Variants in APBB2 observed in about 807,000 individuals in gnomAD.
APBB2 encodes the protein Fe65-like 1.
Under a neutral mutation model 82.5 loss-of-function variants are expected in APBB2, and 38 were observed. That is an observed-to-expected ratio of 0.46 (90% CI 0.36 to 0.60). The LOEUF (loss-of-function observed/expected upper bound fraction) is 0.60, where lower values mean the gene tolerates loss of function less well. APBB2 is among the 20% of genes least tolerant of loss of function. The pLI is 0.00. For missense variants in APBB2, 772 were observed against 972.3 expected (o/e 0.79, Z 2.74); for synonymous variants, 341 against 368.2 (o/e 0.93, Z 0.85).
chr4:40,827,379 T>TTA (rs747872798), intron 13 of APBB2, among the ~76,000 whole-genome samples, 160 bp from the exon 14 acceptor site: 3 of 152,176 alleles, frequency 2.0e-5, no homozygotes. Context: ...CTACATATTT[T>TTA]GTTGAGGAAT....
At chr4:40,823,580 A>G in intron 16 of APBB2, 64 bp downstream of exon 16, 1 of 1,186,300 alleles carries the variant, frequency 8.4e-7, no homozygotes, top group South Asian at 1.2e-5. Context: ...AGTTCCACAG[A>G]AAACCACTGT....
chr4:40,863,351 C>G (rs1763241061), intron 12 of APBB2, among the ~76,000 whole-genome samples: 1 of 152,180 alleles, frequency 6.6e-6, no homozygotes, highest in South Asian at 2.1e-4. Context: ...TAAGGTAGAT[C>G]AATGCCTTTC....
chr4:41,188,699 G>A (rs552729395), intron 1 of APBB2, among the ~76,000 whole-genome samples: 40 of 152,306 alleles, frequency 2.6e-4, no homozygotes, highest in African/African-American at 7.7e-4. Flanking sequence ...CTGTGGGTGT[G>A]GGGATGCTTA....
intron 4 of APBB2, among the ~76,000 whole-genome samples, chr4:41,045,176 CCTT>C (rs1297650013): frequency 2.0e-5 from 3 of 152,086 alleles, no homozygotes; most frequent in East Asian, 1.9e-4. Flanking sequence ...AGTTCTGTCT[CCTT>C]GTCTCTGAGT....
At chr4:40,992,631 G>A (rs1195538497) in intron 6 of APBB2, among the ~76,000 whole-genome samples, 2 of 152,128 alleles carry the variant, frequency 1.3e-5, no homozygotes, top group African/African-American at 4.8e-5. Context: ...TGTTCAATGA[G>A]GTGTGTGAAA....
At chr4:41,023,118 A>G (rs1221423398) in intron 5 of APBB2, among the ~76,000 whole-genome samples, 1 of 152,224 alleles carries the variant, frequency 6.6e-6, no homozygotes, top group Non-Finnish European at 1.5e-5. Flanking sequence ...AGTCAAAAGC[A>G]TATGTTTTGT....
chr4:41,119,697 A>G (rs1192770575), intron 2 of APBB2, among the ~76,000 whole-genome samples: 1 of 152,068 alleles, frequency 6.6e-6, no homozygotes, highest in African/African-American at 2.4e-5. Flanking sequence ...AGCCTTTCAC[A>G]TACCCTGTCC....
Position 40,834,212 on chromosome 4 carries a change from C to G in APBB2, c.1530-3635G>C, listed in dbSNP as rs574031330. On this transcript the variant is annotated intron_variant, in intron 12 of 17. Transcript: ENST00000508593. ...TGTCAGTCCATGACGGTGGGTGAGT[C>G]CGGTAACTAACCCTCCAGAGGTTTC... Among the ~76,000 whole-genome samples the G allele has an allele frequency of 9.2e-5, 14 of 152,176 alleles. No homozygotes were observed. In the South Asian group the frequency reaches 2.9e-3, roughly 32 times the overall value.
At chr4:40,924,419 C>T (rs1015226425) in intron 10 of APBB2, among the ~76,000 whole-genome samples, 2 of 152,198 alleles carry the variant, frequency 1.3e-5, no homozygotes, top group Admixed American at 6.5e-5. Flanking sequence ...GAACTTGCCA[C>T]GTCTCATCAA....
At chr4:41,084,905 T>C in intron 3 of APBB2, among the ~76,000 whole-genome samples, 1 of 152,058 alleles carries the variant, frequency 6.6e-6, no homozygotes, top group East Asian at 1.9e-4. Flanking sequence ...TCAGCTTCAG[T>C]ATAAGTAAGT....
chr4:40,912,549 C>T (rs1778837183), intron 10 of APBB2, among the ~76,000 whole-genome samples: 2 of 150,170 alleles, frequency 1.3e-5, no homozygotes, highest in African/African-American at 2.5e-5. Context: ...TGCACTCCAG[C>T]CTGGCTGACA....
intron 4 of APBB2, among the ~76,000 whole-genome samples, chr4:41,059,291 T>A (rs892380658): frequency 3.3e-5 from 5 of 152,202 alleles, no homozygotes; most frequent in Non-Finnish European, 7.3e-5. Flanking sequence ...TGAAAACCCA[T>A]CTCTACTAAA....
intron 3 of APBB2, among the ~76,000 whole-genome samples, chr4:41,066,623 A>T (rs1731936682): frequency 6.6e-6 from 1 of 152,186 alleles, no homozygotes; most frequent in East Asian, 1.9e-4. Context: ...GCATGTCCTA[A>T]GGCTGGGTAG....
Position 40,893,249 on chromosome 4 carries a change from T to C in APBB2, c.1401+16A>G. 6.2e-7 allele frequency: 1 copy of C among 1,611,532 alleles called. No homozygotes were observed. Among genetic ancestry groups the C allele is most frequent in the Middle Eastern group, 1.7e-4 (1 of 6,058 alleles). ...ACGTAAACAGCCTGCCGTGCATCAT[T>C]CTACATGCCACTTACCTCTCCCCAA... On this transcript the variant is annotated intron_variant, in intron 11 of 17. Transcript: ENST00000508593.
chr4:41,088,448 C>G (rs1016901780), intron 3 of APBB2, among the ~76,000 whole-genome samples: 10 of 152,194 alleles, frequency 6.6e-5, no homozygotes, highest in Admixed American at 6.5e-4. Flanking sequence ...CTATTGCCAT[C>G]GCAGCCCTGT....
chr4:41,180,043 G>A (rs1770896186), intron 1 of APBB2, among the ~76,000 whole-genome samples: 1 of 152,048 alleles, frequency 6.6e-6, no homozygotes, highest in Non-Finnish European at 1.5e-5. Flanking sequence ...GAATTTAAGA[G>A]ACCAACATCA....
At chr4:40,954,954 G>A (rs757947707) in intron 6 of APBB2, among the ~76,000 whole-genome samples, 1 of 148,070 alleles carries the variant, frequency 6.8e-6, no homozygotes, top group Non-Finnish European at 1.5e-5. Context: ...CGGCCAGGTA[G>A]TCATTCTTTT....
rs1473571997 is a variant in APBB2, at chr4:40,890,477, G to A, written c.1416C>T (p.Tyr472=). The change falls in exon 12 of 18, where the codon TAC becomes TAT. Residue 472 remains tyrosine, a synonymous_variant. Coordinates refer to ENST00000508593, the MANE Select transcript of APBB2 (RefSeq NM_004307.2). The part of the protein sequence containing the change: ...VGIWGEGKDM[Y]LILENDMLSL... ...TGAGCATGTCATTCTCCAGGATCAG[G>A]TACATGTCTTTCCCCTGGGACACAA... is the stretch of plus-strand genomic sequence containing the variant. The A allele has an allele frequency of 1.9e-6, 3 of 1,613,894 alleles. No homozygotes were observed. The highest frequency in any genetic ancestry group is 2.5e-6 in the Non-Finnish European group (3 of 1,180,006).
At chr4:41,049,325 A>C (rs1359465957) in intron 4 of APBB2, among the ~76,000 whole-genome samples, 3 of 86,670 alleles carry the variant, frequency 3.5e-5, no homozygotes, top group South Asian at 4.8e-4. Context: ...GCCCCGTCGG[A>C]GAAGTGAGGA....
Sources: allele counts gnomAD v4.1 joint callset (sites outside exome capture counted in the v4.1 genomes callset), GRCh38; gene constraint gnomAD v4.1.1; transcripts MANE v1.5; gene names NCBI Gene and HGNC (gene_info 2026-07-23, HGNC 2026-07-21).